The following MARCHF8 variants were observed in gnomAD, a reference collection of about 807,000 sequenced individuals.
MARCHF8 encodes the protein membrane associated ring-CH-type finger 8.
MARCHF8 carries 40 observed loss-of-function variants against 51.6 expected under a neutral mutation model. That is an observed-to-expected ratio of 0.77 (90% CI 0.60 to 1.01). MARCHF8 has a LOEUF of 1.01. Among genes scored for constraint, MARCHF8 ranks in the 50% least tolerant of loss-of-function variants. The pLI is 0.00. For synonymous variants in MARCHF8, 263 were observed against 280.3 expected (o/e 0.94, Z 0.62); for missense variants, 685 against 708.6 (o/e 0.97, Z 0.38).
chr10:45,552,409 A>G (rs931432881), intron 1 of MARCHF8, among the ~76,000 whole-genome samples: 5 of 152,156 alleles, frequency 3.3e-5, no homozygotes, highest in African/African-American at 1.2e-4. Context: ...TAGTGAAAAA[A>G]CTATAATAAA....
intron 2 of MARCHF8, among the ~76,000 whole-genome samples, chr10:45,495,548 A>G (rs1009608771): frequency 6.6e-6 from 1 of 152,074 alleles, no homozygotes; most frequent in Non-Finnish European, 1.5e-5. Context: ...CCCTTATATG[A>G]TTAAAAGCAG....
chr10:45,500,142 T>C (rs947414732), intron 2 of MARCHF8, among the ~76,000 whole-genome samples: 4 of 152,218 alleles, frequency 2.6e-5, no homozygotes, highest in African/African-American at 9.6e-5. Context: ...GTATAAGTCT[T>C]TACCACTTTG....
intron 1 of MARCHF8, among the ~76,000 whole-genome samples, chr10:45,563,564 A>T (rs936139782): frequency 6.6e-6 from 1 of 152,234 alleles, no homozygotes; most frequent in African/African-American, 2.4e-5. Context: ...CAGAGGAAAA[A>T]TACCATAAGA....
chr10:45,549,706 A>G (rs77517512), intron 1 of MARCHF8, among the ~76,000 whole-genome samples: 8,426 of 152,344 alleles, frequency 0.055, 315 homozygotes, highest in Non-Finnish European at 0.084. Flanking sequence ...CTCTGCCCTC[A>G]CTAATGGATT....
chr10:45,555,069 G>A lies in MARCHF8; in HGVS notation c.-78-21780C>T, dbSNP rs2044236704. Among the ~76,000 whole-genome samples the A allele has an allele frequency of 4.7e-5, 7 of 150,392 alleles. No individual in the cohort carries two copies. The South Asian group carries it at 1.5e-3, about 32-fold the overall frequency. ...ACTCTGTCTCCAAAAATAAAAATAA[G>A]AAATAAAACATTAGCCGGGCGTAGT... is the stretch of plus-strand genomic sequence containing the variant. On this transcript the variant is annotated intron_variant, in intron 1 of 6. Coordinates refer to the MARCHF8 transcript ENST00000319836.
intron 1 of MARCHF8, among the ~76,000 whole-genome samples, chr10:45,551,275 C>G (rs770627685): frequency 4.6e-5 from 7 of 152,178 alleles, no homozygotes; most frequent in Non-Finnish European, 1.0e-4. Context: ...ATAACATTAT[C>G]ATAAGTCAGA....
At chr10:45,573,245 A>C (rs1437925430) in intron 1 of MARCHF8, among the ~76,000 whole-genome samples, 3 of 152,174 alleles carry the variant, frequency 2.0e-5, no homozygotes, top group Non-Finnish European at 4.4e-5. Context: ...CTGACATTAA[A>C]TAAAACTCCT....
At chr10:45,516,597 C>T (rs115391636) in intron 2 of MARCHF8, among the ~76,000 whole-genome samples, 9,366 of 152,216 alleles carry the variant, frequency 0.062, 329 homozygotes, top group Non-Finnish European at 0.066. Flanking sequence ...AACCCTATTT[C>T]TACTAAAAAT....
intron 1 of MARCHF8, among the ~76,000 whole-genome samples, chr10:45,548,324 C>T (rs1218730959): frequency 6.6e-6 from 1 of 152,188 alleles, no homozygotes; most frequent in African/African-American, 2.4e-5. Flanking sequence ...AGAGACACCA[C>T]AGCTGCATGA....
chr10:45,461,624 T>G (rs1190322790), intron 5 of MARCHF8: 3 of 387,738 alleles, frequency 7.7e-6, no homozygotes, highest in Non-Finnish European at 1.4e-5. Context: ...TGGAGGGCAT[T>G]TGGCAACAGA....
chr10:45,502,450 C>A (rs1379133361), intron 2 of MARCHF8, among the ~76,000 whole-genome samples: 2 of 152,224 alleles, frequency 1.3e-5, no homozygotes, highest in African/African-American at 4.8e-5. Context: ...GGACATAAAC[C>A]TATGCATTCA....
chr10:45,513,547 A>C (rs1221063132), intron 2 of MARCHF8, among the ~76,000 whole-genome samples: 1 of 152,114 alleles, frequency 6.6e-6, no homozygotes, highest in African/African-American at 2.4e-5. Flanking sequence ...TAAAACTATA[A>C]ATGATATATT....
intron 2 of MARCHF8, among the ~76,000 whole-genome samples, chr10:45,529,957 AATC>A (rs1317280671): frequency 4.6e-5 from 7 of 152,374 alleles, no homozygotes; most frequent in African/African-American, 1.7e-4. Context: ...AAGGGAAAGA[AATC>A]ATTATATCAA....
chr10:45,569,424 G>T (rs1216541751), intron 1 of MARCHF8, among the ~76,000 whole-genome samples: 1 of 152,148 alleles, frequency 6.6e-6, no homozygotes, highest in African/African-American at 2.4e-5. Context: ...ATATGCTGAA[G>T]CATCCTTGCA....
At chr10:45,459,308 G>A in intron 6 of MARCHF8, 41 bp from the exon 7 acceptor site, 2 of 1,605,410 alleles carry the variant, frequency 1.2e-6, no homozygotes, top group Non-Finnish European at 1.7e-6. Context: ...GGCTTCTGGG[G>A]AAGGGCTCCG....
In MARCHF8 at chr10:45,467,808, G is replaced by C. The variant is rs1040550737; in HGVS notation, c.154-3481C>G. On this transcript the variant is annotated intron_variant, in intron 3 of 7. Transcript: ENST00000453424. The stretch of plus-strand genomic sequence containing the variant: ...GAACACCTACACTCTCCTCTCCATA[G>C]GATCAGACCACACACGACTCGACAA... Among the ~76,000 whole-genome samples the C allele has an allele frequency of 3.0e-4, 46 of 152,246 alleles. No individual in the cohort carries two copies. In the Middle Eastern group the frequency reaches 0.01, roughly 34 times the overall value.
At chr10:45,566,722 C>T (rs2044368756) in intron 1 of MARCHF8, among the ~76,000 whole-genome samples, 1 of 116,728 alleles carries the variant, frequency 8.6e-6, no homozygotes, top group Non-Finnish European at 1.6e-5. Flanking sequence ...AACAGTGCTG[C>T]AACAAAAACA....
rs548439315 is a variant in MARCHF8, at chr10:45,547,597, A to T, written c.-78-14308T>A. On this transcript the variant is annotated intron_variant, in intron 1 of 6. Transcript: ENST00000319836. ...TAGTGTGCAGCAACCGATCAGGTGA[A>T]CCTAAAATATGTAGCGGTTTTTTTG... 1.3e-3 allele frequency among the ~76,000 whole-genome samples: 200 copies of T among 152,308 alleles called. 1 individual carries two copies. The highest frequency in any genetic ancestry group is 4.3e-3 in the African/African-American group (180 of 41,560).
At chr10:45,478,470 C>T (rs553909731) in intron 3 of MARCHF8, among the ~76,000 whole-genome samples, 1 of 151,496 alleles carries the variant, frequency 6.6e-6, no homozygotes, top group South Asian at 2.1e-4. Context: ...TCGAAGGATG[C>T]ACCTCAAGGA....
Sources: gnomAD v4.1 joint callset for allele counts (sites outside exome capture counted in the v4.1 genomes callset) on GRCh38, gnomAD v4.1.1 for gene constraint, MANE v1.5 for transcripts, NCBI Gene and HGNC (gene_info 2026-07-23, HGNC 2026-07-21) for gene names.